Variants in SAMD12 observed in about 807,000 individuals in gnomAD.
The protein encoded by SAMD12 is sterile alpha motif domain containing 12.
A neutral mutation model predicts 15.0 loss-of-function variants in SAMD12; 9 were observed. The observed-to-expected ratio is 0.60, with a 90% CI of 0.36 to 1.05. The LOEUF (loss-of-function observed/expected upper bound fraction) is 1.05, where lower values mean the gene tolerates loss of function less well. Among genes scored for constraint, SAMD12 ranks in the 50% least tolerant of loss-of-function variants. The probability of loss-of-function intolerance (pLI) is 0.01; values close to 1 mark genes in which losing one functional copy is unlikely to be tolerated. For synonymous variants in SAMD12, 86 were observed against 90.1 expected, an observed-to-expected ratio of 0.96 and a Z score of 0.25; for missense variants, 230 against 234.2, an observed-to-expected ratio of 0.98 and a Z score of 0.12.
chr8:118,478,013 CAA>C lies in SAMD12; in HGVS notation c.193-38054_193-38053del, dbSNP rs10629817. Among the ~76,000 whole-genome samples, 98 of 88,252 alleles carry C rather than the reference CAA, an allele frequency of 1.1e-3. 1 individual carries two copies. Among genetic ancestry groups the C allele is most frequent in the African/African-American group, 3.9e-3 (89 of 22,966 alleles). 57.9% of individuals were successfully genotyped at this position (88,252 alleles called of 152,430 possible). A position where few individuals can be genotyped will look rare whatever the true frequency, so the allele number is the denominator to read the frequency against. On this transcript the variant is annotated intron_variant, in intron 2 of 3. Transcript: ENST00000314727. ...TGGGTGACAGAGCGAGACCCTGTCT[CAA>C]AAAAAAAAAAAAAAAAAGAATTATA...
intron 4 of SAMD12, among the ~76,000 whole-genome samples, chr8:118,270,200 G>A (rs1363886408): frequency 1.3e-5 from 2 of 152,076 alleles, no homozygotes; most frequent in Non-Finnish European, 2.9e-5. Flanking sequence ...TCATATCCCT[G>A]TTAATACTAA....
At chr8:118,611,790 CA>C (rs1213396168) in intron 1 of SAMD12, among the ~76,000 whole-genome samples, 4 of 152,058 alleles carry the variant, frequency 2.6e-5, no homozygotes, top group Non-Finnish European at 5.9e-5. Context: ...TTTCTAAATT[CA>C]AATATTCCAT....
intron 4 of SAMD12, among the ~76,000 whole-genome samples, chr8:118,259,104 C>G (rs562810411): frequency 9.2e-5 from 14 of 152,196 alleles, no homozygotes; most frequent in African/African-American, 3.4e-4. Flanking sequence ...AAAACAAAAA[C>G]CGTGAAACAC....
At chr8:118,551,720 A>G (rs1280762022) in intron 2 of SAMD12, among the ~76,000 whole-genome samples, 1 of 150,208 alleles carries the variant, frequency 6.7e-6, no homozygotes, top group Non-Finnish European at 1.5e-5. Flanking sequence ...ACCCTTCAAA[A>G]AATTAATGAA....
rs116550903 is a variant in SAMD12 at position 118,599,949 on chromosome 8, C to T, written c.14-19056G>A. Among the ~76,000 whole-genome samples, 382 of 152,324 alleles carry T rather than the reference C, an allele frequency of 2.5e-3. 1 individual carries two copies. Among genetic ancestry groups the T allele is most frequent in the African/African-American group, 8.9e-3 (369 of 41,572 alleles). ...AAACCCAGATCAAGACTCCCTGAAA[C>T]TAGATCTACTCGTAGATCTCTCAGG... On this transcript the variant is annotated intron_variant, in intron 1 of 3. Transcript: ENST00000314727.
At chr8:118,377,359 C>G (rs1586629194), downstream of SAMD12, among the ~76,000 whole-genome samples, 1 of 152,246 alleles carries the variant, frequency 6.6e-6, no homozygotes, top group Non-Finnish European at 1.5e-5. Flanking sequence ...GATTGCGCCA[C>G]TGCACTCCAG....
intron 4 of SAMD12, among the ~76,000 whole-genome samples, chr8:118,263,965 A>G (rs1193378376): frequency 6.6e-6 from 1 of 152,034 alleles, no homozygotes; most frequent in African/African-American, 2.4e-5. Flanking sequence ...GCAATTTGAG[A>G]CCTCCTTTAC....
intron 4 of SAMD12, among the ~76,000 whole-genome samples, chr8:118,230,878 G>A (rs1398084847): frequency 5.3e-5 from 8 of 152,210 alleles, no homozygotes; most frequent in South Asian, 2.1e-4. Flanking sequence ...TGTGGGTGAC[G>A]ACAAAAAATT....
chr8:118,531,725 G>A (rs551118625), intron 2 of SAMD12, among the ~76,000 whole-genome samples: 4 of 151,270 alleles, frequency 2.6e-5, no homozygotes, highest in African/African-American at 7.4e-5. Flanking sequence ...TTGGCTCTCT[G>A]TTTGTCTGTT....
At chr8:118,204,564 C>A (rs1470185606) in intron 4 of SAMD12, among the ~76,000 whole-genome samples, 1 of 152,062 alleles carries the variant, frequency 6.6e-6, no homozygotes, top group East Asian at 1.9e-4. Context: ...ACCATCCTGG[C>A]TAACATGGTG....
chr8:118,554,442 C>T (rs1826456218), intron 2 of SAMD12, among the ~76,000 whole-genome samples: 1 of 150,342 alleles, frequency 6.7e-6, no homozygotes, highest in South Asian at 2.1e-4. Flanking sequence ...AACAAAAAAC[C>T]AAACACCGCA....
At chr8:118,152,036 C>T in the SAMD12 span, among the ~76,000 whole-genome samples, 1 of 152,140 alleles carries the variant, frequency 6.6e-6, no homozygotes, top group East Asian at 1.9e-4. Context: ...TTAGCACCAA[C>T]TCAGATATAA....
chr8:118,601,170 C>T (rs1241198555), intron 1 of SAMD12, among the ~76,000 whole-genome samples: 3 of 151,756 alleles, frequency 2.0e-5, no homozygotes, highest in Non-Finnish European at 4.4e-5. Context: ...TTTTATTTTC[C>T]AATGGGTATA....
intron 2 of SAMD12, among the ~76,000 whole-genome samples, chr8:118,456,395 T>C (rs993559742): frequency 6.6e-6 from 1 of 152,222 alleles, no homozygotes; most frequent in African/African-American, 2.4e-5. Context: ...CTTATGGTGA[T>C]CTGATATTTT....
intron 2 of SAMD12, among the ~76,000 whole-genome samples, chr8:118,560,119 C>T (rs1452166749): frequency 6.6e-6 from 1 of 152,166 alleles, no homozygotes; most frequent in African/African-American, 2.4e-5. Context: ...AATGGAGTCA[C>T]ATGATATTTT....
At chr8:118,334,455 C>T (rs1816957526) in intron 4 of SAMD12, among the ~76,000 whole-genome samples, 1 of 152,100 alleles carries the variant, frequency 6.6e-6, no homozygotes, top group African/African-American at 2.4e-5. Context: ...ATTTCTTCTT[C>T]CCCTTCCCCT....
chr8:118,507,094 G>A (rs560243630), intron 2 of SAMD12, among the ~76,000 whole-genome samples: 50 of 151,982 alleles, frequency 3.3e-4, no homozygotes, highest in East Asian at 7.7e-4. Flanking sequence ...CATTTTTCCC[G>A]GTCTTGGCTT....
At chr8:118,249,444 C>G (rs1812771081) in intron 4 of SAMD12, among the ~76,000 whole-genome samples, 1 of 152,078 alleles carries the variant, frequency 6.6e-6, no homozygotes, top group African/African-American at 2.4e-5. Context: ...AAGTTTTGAT[C>G]TTTGGAAATT....
At chr8:118,442,957 A>G (rs962006559) in intron 2 of SAMD12, among the ~76,000 whole-genome samples, 22 of 152,194 alleles carry the variant, frequency 1.4e-4, no homozygotes, top group Non-Finnish European at 2.8e-4. Context: ...GCTGGGCTTC[A>G]GGTGGAGATT....
Sources: allele counts gnomAD v4.1 joint callset (sites outside exome capture counted in the v4.1 genomes callset), GRCh38; gene constraint gnomAD v4.1.1; transcripts MANE v1.5; gene names NCBI Gene and HGNC (gene_info 2026-07-23, HGNC 2026-07-21).